Variants in DOK5 observed in about 807,000 individuals in gnomAD.
DOK5 encodes the protein docking protein 5, also known as downstream of tyrosine kinase 5.
In DOK5, 27 loss-of-function variants were observed where a neutral mutation model predicts 43.3. The observed-to-expected ratio is 0.62, with a 90% CI of 0.46 to 0.86. The LOEUF (loss-of-function observed/expected upper bound fraction) is 0.86. Ranked by LOEUF, DOK5 falls within the 40% of genes least tolerant of loss-of-function variation. The probability of loss-of-function intolerance (pLI) is 0.00; values close to 1 mark genes in which losing one functional copy is unlikely to be tolerated. For missense variants in DOK5, 373 were observed against 392.9 expected (o/e 0.95, Z 0.43); for synonymous variants, 146 against 140.1 (o/e 1.04, Z -0.30).
intron 2 of DOK5, among the ~76,000 whole-genome samples, chr20:54,572,835 C>T (rs1053787060): frequency 6.6e-6 from 1 of 152,138 alleles, no homozygotes; most frequent in Non-Finnish European, 1.5e-5. Context: ...TGGGAATGGT[C>T]CAACCATGGA....
intron 2 of DOK5, chr20:54,555,561 G>T (rs578241560): frequency 2.4e-4 from 36 of 153,154 alleles, no homozygotes; most frequent in South Asian, 4.1e-4. Context: ...ACTCATTAAG[G>T]TAAGTACAAG....
At chr20:54,520,828 A>T (rs979330889) in intron 1 of DOK5, among the ~76,000 whole-genome samples, 3 of 151,702 alleles carry the variant, frequency 2.0e-5, no homozygotes, top group Non-Finnish European at 4.4e-5. Flanking sequence ...TACATGTCTT[A>T]TATTTTACGT....
chr20:54,630,684 C>T (rs1317418684), intron 6 of DOK5, among the ~76,000 whole-genome samples: 1 of 152,180 alleles, frequency 6.6e-6, no homozygotes, highest in South Asian at 2.1e-4. Flanking sequence ...CAAAGATTTA[C>T]CTTTTCTCTT....
At chr20:54,589,531 A>G (rs1057421468) in intron 4 of DOK5, among the ~76,000 whole-genome samples, 7 of 152,208 alleles carry the variant, frequency 4.6e-5, no homozygotes, top group African/African-American at 1.2e-4. Flanking sequence ...GATTTACAGA[A>G]CAAACCTGGA....
Position 54,497,054 on chromosome 20 carries a change from C to A in DOK5, c.66+21042C>A, listed in dbSNP as rs762487620. Among the ~76,000 whole-genome samples, 87 of 152,306 alleles carry A rather than the reference C, an allele frequency of 5.7e-4. 1 individual carries two copies. The highest frequency in any genetic ancestry group is 3.4e-3 in the Middle Eastern group (1 of 294). ...TGATTCTGGACACGTTACTTAACCT[C>A]TCCTAATTTCTGTTTCCTCAGTTAA... On this transcript the variant is annotated intron_variant, in intron 1 of 7. Coordinates refer to ENST00000262593, the MANE Select transcript of DOK5 (RefSeq NM_018431.5).
In DOK5 at chr20:54,492,572, A is replaced by G. The variant is rs571902961; in HGVS notation, c.66+16560A>G. ...ATTTCTAAGATAAGTCCTAAAAAAA[A>G]GAGTTACTCTTACACAGTTGTGTAC... is the stretch of plus-strand genomic sequence containing the variant. On this transcript the variant is annotated intron_variant, in intron 1 of 7. Transcript: ENST00000262593. Among the ~76,000 whole-genome samples the G allele has an allele frequency of 7.9e-5, 12 of 152,300 alleles. No individual in the cohort carries two copies. The East Asian group carries it at 1.9e-3, about 25-fold the overall frequency.
intron 5 of DOK5, among the ~76,000 whole-genome samples, chr20:54,606,036 C>T (rs79867948): frequency 0.022 from 3,290 of 152,276 alleles, 143 homozygotes; most frequent in African/African-American, 0.075. Flanking sequence ...TGGTCAAGCT[C>T]CTGCATTCTA....
chr20:54,509,030 C>T (rs1484212460), intron 1 of DOK5, among the ~76,000 whole-genome samples: 1 of 151,578 alleles, frequency 6.6e-6, no homozygotes, highest in African/African-American at 2.4e-5. Flanking sequence ...GCACACGCCA[C>T]CCCACCCAGC....
intron 6 of DOK5, among the ~76,000 whole-genome samples, chr20:54,622,818 A>G (rs1276523949): frequency 3.9e-5 from 6 of 152,146 alleles, no homozygotes; most frequent in Non-Finnish European, 8.8e-5. Flanking sequence ...CGAGCATGGC[A>G]AAGAAGAGAG....
chr20:54,610,681 C>A (rs531251968), intron 6 of DOK5, among the ~76,000 whole-genome samples, 158 bp downstream of exon 6: 7 of 152,322 alleles, frequency 4.6e-5, no homozygotes, highest in Admixed American at 4.6e-4. Context: ...TTCCAGAATG[C>A]CTGATGTGGG....
chr20:54,500,484 AT>A (rs11347726), intron 1 of DOK5, among the ~76,000 whole-genome samples: 10,749 of 148,774 alleles, frequency 0.072, 1,329 homozygotes, highest in African/African-American at 0.25. Flanking sequence ...ATTTCTTCCT[AT>A]TTTTTTCTCC....
intron 1 of DOK5, 91 bp from the exon 2 acceptor site, chr20:54,554,842 A>G: frequency 1.2e-6 from 1 of 806,658 alleles, no homozygotes; most frequent in South Asian, 1.8e-5. Context: ...GCTTGCAAAT[A>G]TTTCACAGGT....
chr20:54,562,574 A>G (rs560934352), intron 2 of DOK5, among the ~76,000 whole-genome samples: 33 of 152,158 alleles, frequency 2.2e-4, no homozygotes, highest in Admixed American at 2.6e-4. Flanking sequence ...GTGCGCCACC[A>G]TGCCCAGCTG....
chr20:54,544,564 G>A (rs1332937287), intron 1 of DOK5, among the ~76,000 whole-genome samples: 1 of 152,224 alleles, frequency 6.6e-6, no homozygotes, highest in African/African-American at 2.4e-5. Flanking sequence ...TCAAGACAGA[G>A]GAATTGCAGT....
intron 1 of DOK5, among the ~76,000 whole-genome samples, chr20:54,532,502 AGAAGGTGGG>A (rs542980115): frequency 6.6e-6 from 1 of 152,314 alleles, no homozygotes; most frequent in African/African-American, 2.4e-5. Context: ...GGTGCAAGAA[AGAAGGTGGG>A]GAAGGTGGCA....
intron 5 of DOK5, among the ~76,000 whole-genome samples, chr20:54,595,193 T>A (rs1372981750): frequency 6.6e-6 from 1 of 152,052 alleles, no homozygotes; most frequent in Non-Finnish European, 1.5e-5. Context: ...TACAAAAAAT[T>A]AGCCGGGCGT....
chr20:54,629,548 T>C (rs1045279199), intron 6 of DOK5, among the ~76,000 whole-genome samples: 2 of 152,206 alleles, frequency 1.3e-5, no homozygotes, highest in Admixed American at 6.5e-5. Context: ...TAAAACATAT[T>C]TATGAATACA....
At chr20:54,593,843 A>C (rs768852179) in intron 5 of DOK5, among the ~76,000 whole-genome samples, 1 of 152,258 alleles carries the variant, frequency 6.6e-6, no homozygotes, top group Non-Finnish European at 1.5e-5. Flanking sequence ...CGTCCTTTGC[A>C]GGGACATGGA....
At chr20:54,536,155 G>A (rs1190665422) in intron 1 of DOK5, among the ~76,000 whole-genome samples, 2 of 152,216 alleles carry the variant, frequency 1.3e-5, no homozygotes, top group African/African-American at 2.4e-5. Flanking sequence ...AGACAAATCA[G>A]TAAGCAAAAT....
Sources: gnomAD v4.1 joint callset for allele counts (sites outside exome capture counted in the v4.1 genomes callset) on GRCh38, gnomAD v4.1.1 for gene constraint, MANE v1.5 for transcripts, NCBI Gene and HGNC (gene_info 2026-07-23, HGNC 2026-07-21) for gene names.